Variants in PPFIA4 observed in about 807,000 individuals in gnomAD.
PPFIA4 encodes the protein liprin-alpha-4.
Under a neutral mutation model 145.7 loss-of-function variants are expected in PPFIA4, and 98 were observed. The observed-to-expected ratio is 0.67, with a 90% CI of 0.57 to 0.80. PPFIA4 has a LOEUF of 0.80. Among genes scored for constraint, PPFIA4 ranks in the 30% least tolerant of loss-of-function variants. PPFIA4 has a pLI of 0.00. For missense variants in PPFIA4, 1,457 were observed against 1,632.7 expected (o/e 0.89, Z 1.85); for synonymous variants, 628 against 649.6 (o/e 0.97, Z 0.51).
chr1:203,063,727 T>TG, intron 24 of PPFIA4, 101 bp from the exon 25 acceptor site: 1 of 1,170,184 alleles, frequency 8.5e-7, no homozygotes. Context: ...CCCTCATGGG[T>TG]GGAGGATGGA....
At chr1:203,066,905 A>G (rs779851908) in intron 25 of PPFIA4, among the ~76,000 whole-genome samples, 1 of 152,256 alleles carries the variant, frequency 6.6e-6, no homozygotes, top group Non-Finnish European at 1.5e-5. Flanking sequence ...ACAGTCAAGG[A>G]ATAATAAATA....
intron 12 of PPFIA4, 65 bp from the exon 13 acceptor site, chr1:203,049,611 C>T (rs1248729707): frequency 6.2e-6 from 8 of 1,285,156 alleles, no homozygotes; most frequent in African/African-American, 1.5e-5. Flanking sequence ...TCTCTGACTC[C>T]CACCCTCCCT....
At chr1:203,053,663 C>G in intron 14 of PPFIA4, 90 bp from the exon 15 acceptor site, 1 of 1,061,994 alleles carries the variant, frequency 9.4e-7, no homozygotes, top group Non-Finnish European at 1.4e-6. Flanking sequence ...CCAGGAGATG[C>G]CAGTGCTGGT....
At chr1:203,036,430 G>T (rs1659274754) in intron 1 of PPFIA4, among the ~76,000 whole-genome samples, 1 of 152,094 alleles carries the variant, frequency 6.6e-6, no homozygotes, top group African/African-American at 2.4e-5. Context: ...GCCATTCCTG[G>T]GATACCTAAG....
intron 28 of PPFIA4, 129 bp downstream of exon 28, chr1:203,071,889 T>C: frequency 1.2e-6 from 1 of 804,206 alleles, no homozygotes; most frequent in South Asian, 1.6e-5. Flanking sequence ...CCAGAGGGGA[T>C]GGGGATAATG....
At chr1:203,065,500 C>T (rs539343594) in intron 25 of PPFIA4, among the ~76,000 whole-genome samples, 3 of 152,258 alleles carry the variant, frequency 2.0e-5, no homozygotes, top group African/African-American at 7.2e-5. Flanking sequence ...CCAGCCAGGA[C>T]TATGGAAATC....
At chr1:203,027,670 C>T (rs575782222) in intron 1 of PPFIA4, among the ~76,000 whole-genome samples, 3 of 152,268 alleles carry the variant, frequency 2.0e-5, no homozygotes, top group African/African-American at 7.2e-5. Flanking sequence ...GTACTTTGCT[C>T]AACATCCAGC....
Position 203,044,353 on chromosome 1 carries a change from C to T in PPFIA4, c.502-26C>T, listed in dbSNP as rs1260915759. On this transcript the variant is annotated intron_variant, in intron 4 of 29. Coordinates refer to ENST00000295706, the MANE Select transcript of PPFIA4 (RefSeq NM_001304331.2). ...GACTCAAGTGGGGTCCCCCTTTCTTCCTCCATCTCCCCTTACCTCGAGCAG... is the reference window on the plus strand; with the variant it reads ...GACTCAAGTGGGGTCCCCCTTTCTTTCTCCATCTCCCCTTACCTCGAGCAG... 1.9e-6 allele frequency: 3 copies of T among 1,547,662 alleles called. No individual in the cohort carries two copies. In the East Asian group the frequency reaches 7.3e-5, roughly 38 times the overall value.
intron 13 of PPFIA4, among the ~76,000 whole-genome samples, chr1:203,049,985 A>G (rs1660386497): frequency 6.6e-6 from 1 of 152,218 alleles, no homozygotes; most frequent in Admixed American, 6.5e-5. Flanking sequence ...GAGGCGAGTC[A>G]TCAGACAGCC....
At chr1:203,035,423 G>T in intron 1 of PPFIA4, 1 of 427,698 alleles carries the variant, frequency 2.3e-6, no homozygotes, top group South Asian at 1.6e-5. Flanking sequence ...GGTGACTTTT[G>T]GGATGCCAAA....
rs115895463 is a variant in PPFIA4, at chr1:203,039,163, C to T, written c.155C>T (p.Ala52Val). The T allele has an allele frequency of 4.8e-4, 768 of 1,606,748 alleles. 2 individuals are homozygous for T. In the African/African-American group the frequency reaches 8.7e-3, roughly 18 times the overall value. The change falls in exon 2 of 30, where the codon GCG becomes GTG. Residue 52 changes from alanine to valine, a missense_variant. This residue lies in a region of PPFIA4 where 463 missense variants were observed against 459.8 expected (regional missense o/e 1.01). Coordinates refer to ENST00000295706, the MANE Select transcript of PPFIA4 (RefSeq NM_001304331.2). ...ESLRESQETL[A>V]ATQSRLQDAI... ...CTTCGGGAGAGTCAGGAGACCTTGG[C>T]GGCCACACAGAGCCGGCTCCAGGAT...
intron 14 of PPFIA4, among the ~76,000 whole-genome samples, 168 bp downstream of exon 14, chr1:203,052,045 G>C (rs1377056165): frequency 3.9e-5 from 4 of 103,030 alleles, no homozygotes; most frequent in Admixed American, 2.8e-4. Flanking sequence ...CAACAGCTGT[G>C]CCCCCCCCCC....
rs941308628 is a variant in PPFIA4 at position 203,059,189 on chromosome 1, G to C, written c.2419G>C (p.Asp807His). ...DGATGHVLLTDSEFSMQEPMV... is the reference protein window; with the variant it reads ...DGATGHVLLTHSEFSMQEPMV... ...CTCTTTCCTTGTAGTTCTGCTAACA[G>C]ACTCCGAATTCAGTATGCAGGAGCC... Residue 807 changes from aspartate (D) to histidine (H), a missense_variant, in exon 20 of 30, where the codon GAC becomes CAC. By Grantham distance (81) the Asp-to-His change is moderately conservative. Transcript: ENST00000295706. The C allele has an allele frequency of 3.3e-6, 5 of 1,528,688 alleles. No homozygotes were observed. The African/African-American group carries it at 6.9e-5, about 21-fold the overall frequency. 94.7% of individuals were successfully genotyped at this position (1,528,688 alleles called of 1,614,324 possible).
At chr1:203,039,560 C>T (rs1659555109) in intron 2 of PPFIA4, among the ~76,000 whole-genome samples, 1 of 152,166 alleles carries the variant, frequency 6.6e-6, no homozygotes, top group African/African-American at 2.4e-5. Context: ...TCTCCAGTGC[C>T]CTATTCTTGG....
chr1:203,059,416 A>C (rs1466052626), intron 20 of PPFIA4, 145 bp downstream of exon 20: 3 of 733,600 alleles, frequency 4.1e-6, no homozygotes, highest in Non-Finnish European at 6.9e-6. Flanking sequence ...CCATGTGGGC[A>C]CAGCAGGGCT....
At chr1:203,076,156 G>C (rs1226499408) in intron 29 of PPFIA4, 185 bp from the exon 30 acceptor site, 2 of 672,528 alleles carry the variant, frequency 3.0e-6, no homozygotes, top group African/African-American at 1.8e-5. Flanking sequence ...CTGCCGGCCT[G>C]GCCCTGCCGC....
At chr1:203,065,167 T>C (rs1661645449) in intron 25 of PPFIA4, among the ~76,000 whole-genome samples, 1 of 152,146 alleles carries the variant, frequency 6.6e-6, no homozygotes, top group African/African-American at 2.4e-5. Flanking sequence ...TCAGGGATGA[T>C]AGCAGAGTAC....
At position 203,057,679 on chromosome 1, in the gene PPFIA4, A is replaced by G. The variant is rs1010122678; in HGVS notation, c.2407+729A>G. On this transcript the variant is annotated intron_variant, in intron 19 of 29. Transcript: ENST00000295706. Reference sequence around the variant, plus strand: ...GTGCTGACCAACAGTTCACTCCTTCAAGGAGTTCAGTGTCTAATGAAAAGG... The same window carrying G: ...GTGCTGACCAACAGTTCACTCCTTCGAGGAGTTCAGTGTCTAATGAAAAGG... Among the ~76,000 whole-genome samples the G allele has an allele frequency of 3.3e-5, 5 of 152,208 alleles. 1 individual carries two copies. The East Asian group carries it at 9.6e-4, about 29-fold the overall frequency.
chr1:203,045,319 G>A (rs1659991626), intron 6 of PPFIA4, 49 bp from the exon 7 acceptor site: 1 of 1,471,414 alleles, frequency 6.8e-7, no homozygotes, highest in East Asian at 2.4e-5. Flanking sequence ...GGAGTGGGGT[G>A]GGTGGGATGC....
Sources: allele counts gnomAD v4.1 joint callset (sites outside exome capture counted in the v4.1 genomes callset), GRCh38; gene constraint gnomAD v4.1.1; regional missense constraint gnomAD v4.1.1; transcripts MANE v1.5; gene names NCBI Gene and HGNC (gene_info 2026-07-23, HGNC 2026-07-21).